The following ADGRL2 variants were observed in gnomAD, a reference collection of about 807,000 sequenced individuals.
The protein encoded by ADGRL2 is adhesion G protein-coupled receptor L2, also known as calcium-independent alpha-latrotoxin receptor 2.
In ADGRL2, 44 loss-of-function variants were observed where a neutral mutation model predicts 157.4. The observed-to-expected ratio is 0.28, with a 90% CI of 0.22 to 0.36. The LOEUF is 0.36. Among genes scored for constraint, ADGRL2 ranks in the 10% least tolerant of loss-of-function variants. The pLI, the probability that ADGRL2 is intolerant of heterozygous loss-of-function variation, is 1.00. For missense variants in ADGRL2, 1,510 were observed against 1,768.9 expected (o/e 0.85, Z 2.63); for synonymous variants, 585 against 624.7 (o/e 0.94, Z 0.95).
chr1:81,402,381 C>A (rs370228904), intron 1 of ADGRL2, among the ~76,000 whole-genome samples: 3 of 152,270 alleles, frequency 2.0e-5, no homozygotes, highest in African/African-American at 7.2e-5. Context: ...CGTGATTAAT[C>A]ACATACAAGT....
At chr1:81,514,254 T>C (rs2079131984) in intron 2 of ADGRL2, among the ~76,000 whole-genome samples, 1 of 152,132 alleles carries the variant, frequency 6.6e-6, no homozygotes, top group Admixed American at 6.5e-5. Context: ...GTTTAGAGTA[T>C]ATATTTATTG....
At position 81,970,503 on chromosome 1, in the gene ADGRL2, A is replaced by G. The variant is rs1394142341; in HGVS notation, c.2923A>G (p.Ile975Val). 6.3e-7 allele frequency: 1 copy of G among 1,591,974 alleles called. No individual in the cohort carries two copies. The highest frequency in any genetic ancestry group is 8.5e-7 in the Non-Finnish European group (1 of 1,173,526). ...CACAGTGGTTGGAGTTTCAGCTGCT[A>G]TTGACTATAAGAGCTATGGAACAGA... ...PATVVGVSAAIDYKSYGTEKA... is the reference protein window; with the variant it reads ...PATVVGVSAAVDYKSYGTEKA... Residue 975 changes from isoleucine to valine, a missense_variant, in exon 16 of 24, where the codon ATT becomes GTT. Physicochemically the swap from Ile to Val is conservative, Grantham distance 29. Transcript: ENST00000686636.
At chr1:81,429,278 C>T (rs2077276853) in intron 1 of ADGRL2, among the ~76,000 whole-genome samples, 6 of 150,734 alleles carry the variant, frequency 4.0e-5, no homozygotes, top group Admixed American at 4.0e-4. Flanking sequence ...CTACTGTTAC[C>T]TTTTTTTTTA....
intron 4 of ADGRL2, among the ~76,000 whole-genome samples, chr1:81,940,910 A>T (rs766859259): frequency 2.1e-4 from 31 of 148,068 alleles, no homozygotes; most frequent in African/African-American, 4.5e-4. Flanking sequence ...TAACTTCATA[A>T]TCTGTTTCTT....
At chr1:81,870,927 AT>A (rs58739101) in intron 2 of ADGRL2, among the ~76,000 whole-genome samples, 21,562 of 141,654 alleles carry the variant, frequency 0.15, 1,604 homozygotes, top group East Asian at 0.2. Flanking sequence ...TTTTTTGAAG[AT>A]TTTTTTTTTC....
At chr1:81,775,307 A>T (rs1402377287) in intron 2 of ADGRL2, among the ~76,000 whole-genome samples, 1 of 152,202 alleles carries the variant, frequency 6.6e-6, no homozygotes, top group African/African-American at 2.4e-5. Context: ...CATAGAGAGG[A>T]AAGCATGATC....
At chr1:81,711,965 A>C (rs2083944923) in intron 1 of ADGRL2, among the ~76,000 whole-genome samples, 1 of 152,116 alleles carries the variant, frequency 6.6e-6, no homozygotes, top group South Asian at 2.1e-4. Flanking sequence ...TTTTCAGAGC[A>C]CTCTAAAGGA....
intron 1 of ADGRL2, among the ~76,000 whole-genome samples, chr1:81,760,923 A>C (rs949772871): frequency 3.3e-5 from 5 of 151,926 alleles, no homozygotes; most frequent in African/African-American, 1.2e-4. Flanking sequence ...AATTTCCTTA[A>C]ACTATTGTCA....
At chr1:81,725,948 A>C (rs1248136741) in intron 1 of ADGRL2, among the ~76,000 whole-genome samples, 1 of 152,138 alleles carries the variant, frequency 6.6e-6, no homozygotes, top group Non-Finnish European at 1.5e-5. Flanking sequence ...GCTCCACTGC[A>C]CTCCAGCCTG....
At chr1:81,524,717 A>G (rs935872076) in intron 2 of ADGRL2, among the ~76,000 whole-genome samples, 1 of 152,206 alleles carries the variant, frequency 6.6e-6, no homozygotes, top group Admixed American at 6.5e-5. Context: ...TATGTATAGC[A>G]TGCTACATTT....
In ADGRL2 at chr1:81,606,495, ATG is replaced by A. The variant is rs200163375; in HGVS notation, c.-143+25516_-143+25517del. Among the ~76,000 whole-genome samples the A allele has an allele frequency of 5.2e-3, 394 of 75,830 alleles. 3 individuals are homozygous for A. The highest frequency in any genetic ancestry group is 0.016 in the African/African-American group (366 of 22,508). 49.7% of individuals were successfully genotyped at this position (75,830 alleles called of 152,430 possible). ...TACACAGATACACAGGTTCATGCACATGCACACACACACACACACACACACTC... is the reference window on the plus strand; with the variant it reads ...TACACAGATACACAGGTTCATGCACACACACACACACACACACACACACTC... On this transcript the variant is annotated intron_variant, in intron 3 of 24. Coordinates refer to the ADGRL2 transcript ENST00000370721.
At chr1:81,800,061 T>C (rs2087818554), upstream of ADGRL2, among the ~76,000 whole-genome samples, 1 of 151,830 alleles carries the variant, frequency 6.6e-6, no homozygotes, top group Non-Finnish European at 1.5e-5. Context: ...CAAGGAAGTG[T>C]GTTCAGAGGA....
intron 2 of ADGRL2, among the ~76,000 whole-genome samples, chr1:81,579,873 C>A (rs375248790): frequency 2.6e-5 from 4 of 151,804 alleles, no homozygotes; most frequent in African/African-American, 9.7e-5. Flanking sequence ...TTCTATATGG[C>A]CAAATTGCTC....
chr1:81,681,426 G>A (rs1373269363), intron 3 of ADGRL2, among the ~76,000 whole-genome samples: 1 of 152,222 alleles, frequency 6.6e-6, no homozygotes, highest in Non-Finnish European at 1.5e-5. Context: ...GCATGTGTGA[G>A]TAAAGGGTTA....
rs991396206 is a variant in ADGRL2 at position 81,323,560 on chromosome 1, T to C, written c.-302+17051T>C. ...GAGCCACTACACCCAGCCAAGAAATTGGTGTTTTATCATTTTGTAAATGGA... is the reference window on the plus strand; with the variant it reads ...GAGCCACTACACCCAGCCAAGAAATCGGTGTTTTATCATTTTGTAAATGGA... On this transcript the variant is annotated intron_variant, in intron 1 of 24. Transcript: ENST00000370721. Among the ~76,000 whole-genome samples, 3 of 151,952 alleles carry C rather than the reference T, an allele frequency of 2.0e-5. No individual in the cohort carries two copies. In the East Asian group the frequency reaches 5.8e-4, roughly 29 times the overall value.
chr1:81,660,483 C>T (rs1339825604), intron 3 of ADGRL2, among the ~76,000 whole-genome samples: 1 of 152,106 alleles, frequency 6.6e-6, no homozygotes, highest in Non-Finnish European at 1.5e-5. Context: ...ACCAACTGAC[C>T]TAACACCTCC....
chr1:81,855,629 A>G (rs1283767407), intron 2 of ADGRL2, among the ~76,000 whole-genome samples: 7 of 151,854 alleles, frequency 4.6e-5, no homozygotes, highest in Admixed American at 2.6e-4. Flanking sequence ...TATGTTGTCA[A>G]TTGAGCTGAT....
chr1:81,487,183 G>C (rs1002756747), intron 2 of ADGRL2, among the ~76,000 whole-genome samples: 1 of 151,542 alleles, frequency 6.6e-6, no homozygotes, highest in African/African-American at 2.4e-5. Context: ...TGGGAGGATT[G>C]CTTAAGCCCA....
chr1:81,742,338 C>G lies in ADGRL2; in HGVS notation c.-142-19473C>G, dbSNP rs572867660. Reference sequence around the variant, plus strand: ...TTTGTTATCTAATGTATGGCTATCCCTCTTTTCTTCATATTGCTAAACTCT... The same window carrying G: ...TTTGTTATCTAATGTATGGCTATCCGTCTTTTCTTCATATTGCTAAACTCT... On this transcript the variant is annotated intron_variant, in intron 1 of 20. Transcript: ENST00000359929. Among the ~76,000 whole-genome samples, 10 of 152,072 alleles carry G rather than the reference C, an allele frequency of 6.6e-5. No individual in the cohort carries two copies. The East Asian group carries it at 1.5e-3, about 23-fold the overall frequency.
Sources: gnomAD v4.1 joint callset for allele counts (sites outside exome capture counted in the v4.1 genomes callset) on GRCh38, gnomAD v4.1.1 for gene constraint, MANE v1.5 for transcripts, NCBI Gene and HGNC (gene_info 2026-07-23, HGNC 2026-07-21) for gene names.